MRPL11: variants seen among roughly 807,000 people sequenced by gnomAD.
MRPL11 encodes the protein mitochondrial ribosomal protein L11, also known as large ribosomal subunit protein uL11m.
Under a neutral mutation model 19.1 loss-of-function variants are expected in MRPL11, and 21 were observed. The ratio of observed to expected loss-of-function variants is 1.10; its 90% CI spans 0.78 to 1.58. MRPL11 has a LOEUF of 1.58. Among genes scored for constraint, MRPL11 ranks in the 40% most tolerant of loss-of-function variants. The pLI is 0.00. For synonymous variants in MRPL11, 108 were observed against 99.7 expected, an observed-to-expected ratio of 1.08 and a Z score of -0.49; for missense variants, 242 against 243.9, an observed-to-expected ratio of 0.99 and a Z score of 0.05.
chr11:66,438,288 TG>T (rs1250835750), intron 1 of MRPL11, 29 bp from the exon 2 acceptor site: 1 of 1,547,842 alleles, frequency 6.5e-7, no homozygotes, highest in Non-Finnish European at 8.9e-7. Flanking sequence ...GGGTTAGTGG[TG>T]AGAGGAGGGG....
rs991087296 is a variant in MRPL11, at chr11:66,435,699, G to A, written c.*308C>T. The A allele has an allele frequency of 1.3e-5, 3 of 235,540 alleles. No individual in the cohort carries two copies. The highest frequency in any genetic ancestry group is 2.3e-5 in the African/African-American group (1 of 44,244). 14.6% of individuals were successfully genotyped at this position (235,540 alleles called of 1,614,324 possible). A position where few individuals can be genotyped will look rare whatever the true frequency, so the allele number is the denominator to read the frequency against. On this transcript the variant is annotated 3_prime_UTR_variant, in exon 5 of 5. Transcript: ENST00000310999. Reference sequence around the variant, plus strand: ...AAAAGAAAAAAAAGGACCTGGGCAAGTTACTTTGCTTGGCTGAACCTCAGT... The same window carrying A: ...AAAAGAAAAAAAAGGACCTGGGCAAATTACTTTGCTTGGCTGAACCTCAGT...
In MRPL11 at chr11:66,438,494, A is replaced by G. The variant is rs968709512; in HGVS notation, c.123+138T>C. Reference sequence around the variant, plus strand: ...GTGGAAGACACTTTGTAACCAGCACAAGGACATAAAGCGTGTGAGAAGCAG... The same window carrying G: ...GTGGAAGACACTTTGTAACCAGCACGAGGACATAAAGCGTGTGAGAAGCAG... On this transcript the variant is annotated intron_variant, in intron 1 of 4. Coordinates refer to ENST00000310999, the MANE Select transcript of MRPL11 (RefSeq NM_016050.5). 36 of 1,216,788 alleles carry G rather than the reference A, an allele frequency of 3.0e-5. 1 individual carries two copies. Among genetic ancestry groups the G allele is most frequent in the Non-Finnish European group, 3.8e-5 (33 of 878,570 alleles). The allele number at this position is 1,216,788 out of a possible 1,614,324, so 75.4% of individuals were successfully genotyped here. A position where few individuals can be genotyped will look rare whatever the true frequency, so the allele number is the denominator to read the frequency against.
At position 66,438,763 on chromosome 11, in the gene MRPL11, G is replaced by A. The variant is rs759190461; in HGVS notation, c.-9C>T. 4 of 1,542,670 alleles carry A rather than the reference G, an allele frequency of 2.6e-6. No individual in the cohort carries two copies. Among genetic ancestry groups the A allele is most frequent in the East Asian group, 2.4e-5 (1 of 42,292 alleles). On this transcript the variant is annotated 5_prime_UTR_variant, in exon 1 of 5. Coordinates refer to ENST00000310999, the MANE Select transcript of MRPL11 (RefSeq NM_016050.5). The stretch of plus-strand genomic sequence containing the variant: ...CGGCCGAGCTTTGACATGATGCGGG[G>A]CTGCTGGCTTCAGTTCACCTCAGGG...
At chr11:66,438,280 G>GT (rs1442224328) in intron 1 of MRPL11, 21 bp from the exon 2 acceptor site, 7 of 1,581,784 alleles carry the variant, frequency 4.4e-6, no homozygotes, top group East Asian at 2.2e-5. Flanking sequence ...AGCAGAGGGG[G>GT]TTAGTGGTGA....
intron 4 of MRPL11, 70 bp downstream of exon 4, chr11:66,437,034 C>A: frequency 6.3e-7 from 1 of 1,592,886 alleles, no homozygotes; most frequent in Non-Finnish European, 8.6e-7. Flanking sequence ...TGCAATGGGC[C>A]CTCTCAGCTC....
intron 2 of MRPL11, 73 bp from the exon 3 acceptor site, chr11:66,437,516 C>G: frequency 7.3e-7 from 1 of 1,361,596 alleles, no homozygotes; most frequent in Non-Finnish European, 1.0e-6. Flanking sequence ...ATGTCTTGCC[C>G]CCTGCTTCCT....
At position 66,437,216 on chromosome 11, in the gene MRPL11, C is replaced by A. The variant is rs765880233; in HGVS notation, c.361G>T (p.Ala121Ser). ...GCCTCATCCTGAGCTTTGATGCGGG[C>A]AATCTCATACACATGCTTCAAGGTC... The part of the protein sequence containing the change: ...LVTLKHVYEI[A>S]RIKAQDEAFA... The change falls in exon 4 of 5, where the codon GCC becomes TCC. Residue 121 changes from alanine (A) to serine (S), a missense_variant. By Grantham distance (99) the Ala-to-Ser change is moderately conservative. Transcript: ENST00000310999. 1.5e-5 allele frequency: 24 copies of A among 1,614,206 alleles called. No homozygotes were observed. Among genetic ancestry groups the A allele is most frequent in the Non-Finnish European group, 2.0e-5 (24 of 1,180,038 alleles).
intron 1 of MRPL11, 62 bp downstream of exon 1, chr11:66,438,570 T>A: frequency 6.7e-7 from 1 of 1,484,894 alleles, no homozygotes; most frequent in Non-Finnish European, 8.9e-7. Context: ...GCGCCCTCCA[T>A]CCGCGTCCTA....
In MRPL11 at chr11:66,437,198, C is replaced by T. The variant is rs747958061; in HGVS notation, c.379G>A (p.Asp127Asn). Residue 127 changes from aspartate (D) to asparagine (N), a missense_variant, in exon 4 of 5, where the codon GAT becomes AAT. Physicochemically the swap from Asp to Asn is conservative, Grantham distance 23. Transcript: ENST00000310999. ...ACATCCTGCAGGGCAAATGCCTCAT[C>T]CTGAGCTTTGATGCGGGCAATCTCA... The part of the protein sequence containing the change: ...VYEIARIKAQ[D>N]EAFALQDVPL... 1 of 1,614,108 alleles carries T rather than the reference C, an allele frequency of 6.2e-7. No homozygotes were observed. Among genetic ancestry groups the T allele is most frequent in the African/African-American group, 1.3e-5 (1 of 74,934 alleles).
chr11:66,438,391 CCGTGAGCCAGAAGAT>C, intron 1 of MRPL11, 132 bp from the exon 2 acceptor site: 1 of 894,484 alleles, frequency 1.1e-6, no homozygotes, highest in Admixed American at 2.3e-5. Flanking sequence ...AACTACCCCT[CCGTGAGCCAGAAGAT>C]CGTACGCATC....
chr11:66,437,731 G>A (rs1018144848), intron 2 of MRPL11, among the ~76,000 whole-genome samples: 15 of 152,194 alleles, frequency 9.9e-5, no homozygotes, highest in African/African-American at 2.4e-4. Context: ...AAAATTAGCC[G>A]GGCGTGGTGG....
At position 66,438,764 on chromosome 11, in the gene MRPL11, C is replaced by T. The variant is rs764822826; in HGVS notation, c.-10G>A. The T allele has an allele frequency of 4.5e-6, 7 of 1,539,844 alleles. No individual in the cohort carries two copies. The highest frequency in any genetic ancestry group is 3.6e-5 in the South Asian group (3 of 83,338). On this transcript the variant is annotated 5_prime_UTR_variant, in exon 1 of 5. Coordinates refer to ENST00000310999, the MANE Select transcript of MRPL11 (RefSeq NM_016050.5). Reference sequence around the variant, plus strand: ...GGCCGAGCTTTGACATGATGCGGGGCTGCTGGCTTCAGTTCACCTCAGGGG... The same window carrying T: ...GGCCGAGCTTTGACATGATGCGGGGTTGCTGGCTTCAGTTCACCTCAGGGG...
intron 4 of MRPL11, among the ~76,000 whole-genome samples, 179 bp from the exon 5 acceptor site, chr11:66,436,291 A>G (rs1565246479): frequency 6.6e-6 from 1 of 152,022 alleles, no homozygotes; most frequent in Non-Finnish European, 1.5e-5. Context: ...TCCAGGGACA[A>G]CATCTCCCAA....
chr11:66,437,535 C>A, intron 2 of MRPL11, 92 bp from the exon 3 acceptor site: 3 of 1,151,698 alleles, frequency 2.6e-6, no homozygotes, highest in Non-Finnish European at 3.8e-6. Flanking sequence ...CTTCATCTCA[C>A]TTTCCAATGG....
Position 66,437,195 on chromosome 11 carries a change from C to T in MRPL11, c.382G>A (p.Glu128Lys). 4 of 1,614,238 alleles carry T rather than the reference C, an allele frequency of 2.5e-6. No homozygotes were observed. Among genetic ancestry groups the T allele is most frequent in the Non-Finnish European group, 3.4e-6 (4 of 1,180,040 alleles). The change falls in exon 4 of 5, where the codon GAG becomes AAG. Residue 128 changes from glutamate to lysine, a missense_variant. By Grantham distance (56) the Glu-to-Lys change is moderately conservative. Coordinates refer to ENST00000310999, the MANE Select transcript of MRPL11 (RefSeq NM_016050.5). ...GGTACATCCTGCAGGGCAAATGCCT[C>T]ATCCTGAGCTTTGATGCGGGCAATC... Reference protein sequence around the residue: ...YEIARIKAQDEAFALQDVPLS... With the variant: ...YEIARIKAQDKAFALQDVPLS...
At chr11:66,438,353 CT>C in intron 1 of MRPL11, 94 bp from the exon 2 acceptor site, 1 of 1,090,656 alleles carries the variant, frequency 9.2e-7, no homozygotes, top group South Asian at 1.3e-5. Context: ...GTCTTCACTT[CT>C]CTGGGTTCCC....
At chr11:66,437,473 C>G (rs1474095813) in intron 2 of MRPL11, 30 bp from the exon 3 acceptor site, 1 of 1,599,860 alleles carries the variant, frequency 6.3e-7, no homozygotes. Flanking sequence ...ATGAGATTCT[C>G]TCTTCCTACT....
intron 4 of MRPL11, among the ~76,000 whole-genome samples, chr11:66,436,640 G>C (rs1372524741): frequency 2.0e-5 from 3 of 152,080 alleles, no homozygotes; most frequent in Admixed American, 1.3e-4. Flanking sequence ...TCTCTGTCCC[G>C]GCGGTTGTCT....
chr11:66,437,895 A>C (rs374151847), intron 2 of MRPL11, among the ~76,000 whole-genome samples: 1 of 152,186 alleles, frequency 6.6e-6, no homozygotes, highest in African/African-American at 2.4e-5. Context: ...AAAGAAAAAA[A>C]TAAATCTGCA....
Sources: gnomAD v4.1 joint callset for allele counts (sites outside exome capture counted in the v4.1 genomes callset) on GRCh38, gnomAD v4.1.1 for gene constraint, MANE v1.5 for transcripts, NCBI Gene and HGNC (gene_info 2026-07-23, HGNC 2026-07-21) for gene names.